The following PARD3B variants were observed in gnomAD, a reference collection of about 807,000 sequenced individuals.
PARD3B encodes partitioning defective 3 homolog B.
Under a neutral mutation model 130.2 loss-of-function variants are expected in PARD3B, and 103 were observed. The ratio of observed to expected loss-of-function variants is 0.79; its 90% CI spans 0.67 to 0.93. The LOEUF is 0.93. Ranked by LOEUF, PARD3B falls within the 40% of genes least tolerant of loss-of-function variation. PARD3B has a pLI of 0.00. For missense variants in PARD3B, 1,609 were observed against 1,499.2 expected (o/e 1.07, Z -1.21); for synonymous variants, 583 against 553.2 (o/e 1.05, Z -0.76).
chr2:204,566,216 A>G (rs935943556), intron 1 of PARD3B, among the ~76,000 whole-genome samples: 1 of 152,236 alleles, frequency 6.6e-6, no homozygotes, highest in African/African-American at 2.4e-5. Flanking sequence ...AAAATCTTCA[A>G]TCAGCATCAG....
At chr2:204,825,743 T>G (rs1439000011) in intron 2 of PARD3B, among the ~76,000 whole-genome samples, 1 of 152,208 alleles carries the variant, frequency 6.6e-6, no homozygotes, top group African/African-American at 2.4e-5. Context: ...TACAGTGAGC[T>G]TCAATGGAGC....
At chr2:204,855,010 A>G (rs755615348) in intron 2 of PARD3B, among the ~76,000 whole-genome samples, 5 of 152,140 alleles carry the variant, frequency 3.3e-5, no homozygotes, top group African/African-American at 4.8e-5. Context: ...GCAGTGTCTG[A>G]TTTACATAGG....
In PARD3B at chr2:204,907,395, C is replaced by T. The variant is rs1208359068; in HGVS notation, c.223-57757C>T. ...GTAAATTTTAGTACACCTTCATTTA[C>T]ATTTCTATTTGAATGTAAATTATAT... On this transcript the variant is annotated intron_variant, in intron 2 of 22. Coordinates refer to ENST00000406610, the MANE Select transcript of PARD3B (RefSeq NM_001302769.2). The surrounding 1 kb of genome is among the most constrained non-coding windows in gnomAD (Gnocchi z 5.7). 2.0e-5 allele frequency among the ~76,000 whole-genome samples: 3 copies of T among 152,208 alleles called. No homozygotes were observed. Among genetic ancestry groups the T allele is most frequent in the African/African-American group, 7.2e-5 (3 of 41,440 alleles).
At chr2:204,627,914 C>T (rs201958905) in intron 1 of PARD3B, among the ~76,000 whole-genome samples, 2 of 141,758 alleles carry the variant, frequency 1.4e-5, no homozygotes, top group African/African-American at 3.0e-5. Context: ...CAACCTGCAG[C>T]CCCAGGTTGC....
chr2:205,604,809 G>C lies in PARD3B; in HGVS notation c.3261-10647G>C, dbSNP rs770998618. ...GATGTCCTGAAGTATGTTTTCCAAC[G>C]TGGTTCTGTTTTCGCTGTCTCTTTC... On this transcript the variant is annotated intron_variant, in intron 22 of 22. Transcript: ENST00000406610. 2.0e-5 allele frequency among the ~76,000 whole-genome samples: 3 copies of C among 152,104 alleles called. No individual in the cohort carries two copies. In the South Asian group the frequency reaches 6.2e-4, roughly 32 times the overall value.
intron 20 of PARD3B, among the ~76,000 whole-genome samples, chr2:205,443,431 G>T (rs1446052134): frequency 2.0e-5 from 3 of 152,142 alleles, no homozygotes; most frequent in Non-Finnish European, 2.9e-5. Context: ...AACAGTCCCA[G>T]GCCAGAAGAG....
chr2:204,796,003 C>T (rs1432146602), intron 2 of PARD3B, among the ~76,000 whole-genome samples: 1 of 152,030 alleles, frequency 6.6e-6, no homozygotes, highest in Admixed American at 6.6e-5. Context: ...CATGTTTTTT[C>T]TCTTTTGCAT....
intron 1 of PARD3B, among the ~76,000 whole-genome samples, chr2:204,570,514 T>C (rs1559161894): frequency 6.6e-6 from 1 of 152,168 alleles, no homozygotes; most frequent in Non-Finnish European, 1.5e-5. Context: ...GCTGAGAATA[T>C]TGTGGTTTGG....
chr2:205,466,131 G>A (rs2048614684), intron 20 of PARD3B, among the ~76,000 whole-genome samples: 1 of 152,196 alleles, frequency 6.6e-6, no homozygotes, highest in Non-Finnish European at 1.5e-5. Flanking sequence ...AAGCTCCCAG[G>A]TGACACTCAC....
chr2:204,928,861 T>A (rs543246268), intron 2 of PARD3B, among the ~76,000 whole-genome samples: 89 of 152,226 alleles, frequency 5.8e-4, no homozygotes, highest in African/African-American at 2.0e-3. Context: ...GCTGACCAAC[T>A]GACAAAATGG....
At chr2:204,809,947 C>A (rs1341679261) in intron 2 of PARD3B, among the ~76,000 whole-genome samples, 1 of 152,002 alleles carries the variant, frequency 6.6e-6, no homozygotes, top group African/African-American at 2.4e-5. Context: ...TTGTAGAGAT[C>A]TTTCACCTCC....
intron 2 of PARD3B, among the ~76,000 whole-genome samples, chr2:204,871,739 CTGTTGGG>C (rs1373531683): frequency 6.6e-6 from 1 of 152,026 alleles, no homozygotes; most frequent in East Asian, 1.9e-4. Flanking sequence ...GTTGGTAGTC[CTGTTGGG>C]TGTAATTCTG....
chr2:204,929,587 A>G (rs1483009022), intron 2 of PARD3B, among the ~76,000 whole-genome samples: 1 of 152,032 alleles, frequency 6.6e-6, no homozygotes, highest in Non-Finnish European at 1.5e-5. Context: ...CTGGGCAGCA[A>G]TGTTTGAAGA....
chr2:205,536,532 A>T (rs1050038457), intron 21 of PARD3B, among the ~76,000 whole-genome samples: 1 of 152,178 alleles, frequency 6.6e-6, no homozygotes, highest in African/African-American at 2.4e-5. Flanking sequence ...AAACTCAGGG[A>T]TCATCACCTG....
At chr2:205,490,905 T>C (rs2049678371) in intron 20 of PARD3B, among the ~76,000 whole-genome samples, 1 of 152,092 alleles carries the variant, frequency 6.6e-6, no homozygotes, top group Non-Finnish European at 1.5e-5. Flanking sequence ...GCTGAATAAA[T>C]GTCTTTTGAG....
chr2:205,059,580 C>T (rs959728969), intron 4 of PARD3B, among the ~76,000 whole-genome samples: 1 of 152,042 alleles, frequency 6.6e-6, no homozygotes, highest in Non-Finnish European at 1.5e-5. Context: ...GCTGGAATAC[C>T]TCTAGCATAA....
In PARD3B at chr2:204,642,217, T is replaced by A. The variant is rs188422181; in HGVS notation, c.121-43964T>A. Among the ~76,000 whole-genome samples, 3 of 152,322 alleles carry A rather than the reference T, an allele frequency of 2.0e-5. No individual in the cohort carries two copies. The East Asian group carries it at 5.8e-4, about 29-fold the overall frequency. On this transcript the variant is annotated intron_variant, in intron 1 of 22. Coordinates refer to ENST00000406610, the MANE Select transcript of PARD3B (RefSeq NM_001302769.2). ...AATTATCTATGGGTGCACTGGTCTC[T>A]GCTACAGAGTCCACTTAGGCTCAGG...
intron 18 of PARD3B, among the ~76,000 whole-genome samples, chr2:205,396,582 A>C (rs772141898): frequency 1.3e-5 from 2 of 152,220 alleles, no homozygotes; most frequent in Non-Finnish European, 2.9e-5. Flanking sequence ...TCCACTTTAC[A>C]AAAAAGATCC....
rs1267480602 is a variant in PARD3B at position 205,309,309 on chromosome 2, A to C, written c.2630+7608A>C. 1.1e-4 allele frequency among the ~76,000 whole-genome samples: 17 copies of C among 152,102 alleles called. No individual in the cohort carries two copies. Among genetic ancestry groups the C allele is most frequent in the Admixed American group, 1.1e-3 (17 of 15,258 alleles). ...GGATATTCTTTATTGTTTCTTCTCA[A>C]CTCAGATAATGCAAGCATACCTCAA... is the stretch of plus-strand genomic sequence containing the variant. On this transcript the variant is annotated intron_variant, in intron 18 of 22. Transcript: ENST00000406610. The surrounding 1 kb of genome is among the most constrained non-coding windows in gnomAD (Gnocchi z 4.7).
Sources: allele counts gnomAD v4.1 joint callset (sites outside exome capture counted in the v4.1 genomes callset), GRCh38; gene constraint gnomAD v4.1.1; non-coding constraint Gnocchi (gnomAD v3.1); transcripts MANE v1.5; gene names NCBI Gene and HGNC (gene_info 2026-07-23, HGNC 2026-07-21).